The following MAPRE2 variants were observed in gnomAD, a reference collection of about 807,000 sequenced individuals.
The protein encoded by MAPRE2 is microtubule associated protein RP/EB family member 2, also known as microtubule-associated protein RP/EB family member 2.
A neutral mutation model predicts 43.2 loss-of-function variants in MAPRE2; 13 were observed. The observed-to-expected ratio is 0.30, with a 90% CI of 0.20 to 0.48. The LOEUF (loss-of-function observed/expected upper bound fraction) is 0.48. Ranked by LOEUF, MAPRE2 falls within the 20% of genes least tolerant of loss-of-function variation. The pLI is 0.99. For missense variants in MAPRE2, 161 were observed against 400.2 expected, an observed-to-expected ratio of 0.40 and a Z score of 5.10; for synonymous variants, 135 against 148.8, an observed-to-expected ratio of 0.91 and a Z score of 0.68.
At chr18:34,982,600 G>T (rs2097017005) in intron 1 of MAPRE2, among the ~76,000 whole-genome samples, 1 of 152,136 alleles carries the variant, frequency 6.6e-6, no homozygotes, top group Non-Finnish European at 1.5e-5. Context: ...CAAAATTTTT[G>T]TTCCAAATTT....
At position 35,041,677 on chromosome 18, in the gene MAPRE2, C is replaced by T; in HGVS notation, c.122+16C>T. ...GTTCCTACAGGTAATGGGGCTGGCA[C>T]GAGAGCAGCGCCGGGGACCGCCGTG... On this transcript the variant is annotated intron_variant, in intron 1 of 6. Transcript: ENST00000300249. 6.2e-7 allele frequency: 1 copy of T among 1,614,036 alleles called. No individual in the cohort carries two copies. Among genetic ancestry groups the T allele is most frequent in the Non-Finnish European group, 8.5e-7 (1 of 1,179,980 alleles).
intron 2 of MAPRE2, among the ~76,000 whole-genome samples, chr18:35,095,252 T>C (rs1908347126): frequency 1.3e-5 from 2 of 152,038 alleles, no homozygotes; most frequent in South Asian, 4.1e-4. Flanking sequence ...TGATAGAGCA[T>C]ATTAAGTGAC....
At chr18:35,054,782 G>C (rs1906131813) in intron 1 of MAPRE2, among the ~76,000 whole-genome samples, 1 of 152,040 alleles carries the variant, frequency 6.6e-6, no homozygotes. Flanking sequence ...TGGCTTTTAG[G>C]ACTCTTAACT....
chr18:35,104,179 A>G (rs969835301), intron 4 of MAPRE2, among the ~76,000 whole-genome samples: 17 of 152,178 alleles, frequency 1.1e-4, no homozygotes, highest in Non-Finnish European at 2.9e-5. Flanking sequence ...AATAGGATGA[A>G]GCCTGAAAAA....
chr18:35,104,040 A>T (rs1908793777), intron 4 of MAPRE2, among the ~76,000 whole-genome samples: 1 of 152,182 alleles, frequency 6.6e-6, no homozygotes, highest in African/African-American at 2.4e-5. Flanking sequence ...GAGGAAGAAG[A>T]GGAAGCTGCA....
chr18:35,064,841 T>G (rs965086514), intron 1 of MAPRE2, among the ~76,000 whole-genome samples: 2 of 152,180 alleles, frequency 1.3e-5, no homozygotes, highest in African/African-American at 4.8e-5. Flanking sequence ...CTGAGCAAAA[T>G]CTACACATTG....
chr18:35,016,078 C>A (rs917094306), intron 2 of MAPRE2, among the ~76,000 whole-genome samples: 1 of 151,866 alleles, frequency 6.6e-6, no homozygotes, highest in Non-Finnish European at 1.5e-5. Context: ...TGTTAATTTG[C>A]CCAGGATAAT....
intron 5 of MAPRE2, 97 bp downstream of exon 5, chr18:35,127,184 G>A: frequency 7.8e-7 from 1 of 1,274,840 alleles, no homozygotes; most frequent in South Asian, 1.4e-5. Flanking sequence ...GGAGGGAAGG[G>A]TAAGGAAGAA....
intron 2 of MAPRE2, among the ~76,000 whole-genome samples, chr18:35,012,698 T>C (rs2150583643): frequency 6.6e-6 from 1 of 152,280 alleles, no homozygotes; most frequent in South Asian, 2.1e-4. Flanking sequence ...AGTAGTCAAA[T>C]TCATGGAGAC....
chr18:34,986,994 A>C (rs1216753491), intron 1 of MAPRE2, among the ~76,000 whole-genome samples: 1 of 152,194 alleles, frequency 6.6e-6, no homozygotes, highest in Non-Finnish European at 1.5e-5. Flanking sequence ...TTTATGAGAT[A>C]ATGAATTAAA....
chr18:35,055,955 C>CAAA (rs373569809), intron 1 of MAPRE2, among the ~76,000 whole-genome samples: 2 of 92,666 alleles, frequency 2.2e-5, no homozygotes, highest in Non-Finnish European at 4.5e-5. Flanking sequence ...ACTCTTGTCT[C>CAAA]AAAAAAAAAA....
intron 4 of MAPRE2, among the ~76,000 whole-genome samples, chr18:35,120,929 A>T (rs1287762015): frequency 6.6e-6 from 1 of 152,146 alleles, no homozygotes; most frequent in Non-Finnish European, 1.5e-5. Flanking sequence ...AGGGGCTCTC[A>T]AAGTAGAGAA....
intron 4 of MAPRE2, among the ~76,000 whole-genome samples, chr18:35,126,026 T>A (rs144190944): frequency 3.3e-4 from 50 of 152,350 alleles, no homozygotes; most frequent in African/African-American, 1.2e-3. Flanking sequence ...TAGTTACGGA[T>A]GTTGCAAAAT....
intron 6 of MAPRE2, among the ~76,000 whole-genome samples, chr18:35,138,792 C>T (rs1255251096): frequency 6.6e-6 from 1 of 152,130 alleles, no homozygotes; most frequent in Non-Finnish European, 1.5e-5. Context: ...GACCCAAACC[C>T]ACACGGCCTG....
At chr18:35,000,764 A>T (rs1189639267) in intron 1 of MAPRE2, among the ~76,000 whole-genome samples, 1 of 152,190 alleles carries the variant, frequency 6.6e-6, no homozygotes, top group African/African-American at 2.4e-5. Context: ...GAGCTGCCCT[A>T]GTGCTCACAA....
intron 4 of MAPRE2, among the ~76,000 whole-genome samples, chr18:35,121,464 T>C (rs1255381599): frequency 1.3e-5 from 2 of 152,192 alleles, no homozygotes; most frequent in Admixed American, 6.5e-5. Flanking sequence ...ATTTATGCTT[T>C]TTTCCTCTGC....
chr18:35,104,442 TC>T (rs1225295392), intron 4 of MAPRE2, among the ~76,000 whole-genome samples: 5 of 152,158 alleles, frequency 3.3e-5, no homozygotes. Flanking sequence ...TTATTTTTTT[TC>T]AACTGTTCTT....
At chr18:35,077,287 ACAC>A (rs1257833550) in intron 2 of MAPRE2, among the ~76,000 whole-genome samples, 1 of 150,090 alleles carries the variant, frequency 6.7e-6, no homozygotes, top group Non-Finnish European at 1.5e-5. Context: ...ACACACACAC[ACAC>A]AATTGGTACA....
intron 2 of MAPRE2, among the ~76,000 whole-genome samples, chr18:35,084,138 G>A (rs1052680805): frequency 1.3e-5 from 2 of 152,112 alleles, no homozygotes; most frequent in Non-Finnish European, 2.9e-5. Flanking sequence ...GTCCGGTGTG[G>A]TGGCACACAC....
Sources: gnomAD v4.1 joint callset for allele counts (sites outside exome capture counted in the v4.1 genomes callset) on GRCh38, gnomAD v4.1.1 for gene constraint, MANE v1.5 for transcripts, NCBI Gene and HGNC (gene_info 2026-07-23, HGNC 2026-07-21) for gene names.